Variants in KCNIP4 observed in about 807,000 individuals in gnomAD.
KCNIP4 encodes potassium voltage-gated channel interacting protein 4, also known as Kv channel-interacting protein 4.
KCNIP4 carries 12 observed loss-of-function variants against 34.0 expected under a neutral mutation model. The observed-to-expected ratio is 0.35, with a 90% CI of 0.23 to 0.57. The LOEUF is 0.57. KCNIP4 is among the 20% of genes least tolerant of loss of function. The pLI, the probability that KCNIP4 is intolerant of heterozygous loss-of-function variation, is 0.83. For missense variants in KCNIP4, 238 were observed against 311.7 expected (o/e 0.76, Z 1.78); for synonymous variants, 124 against 102.2 (o/e 1.21, Z -1.29).
chr4:21,233,323 C>T (rs1203325151), intron 1 of KCNIP4, among the ~76,000 whole-genome samples: 1 of 152,126 alleles, frequency 6.6e-6, no homozygotes, highest in Non-Finnish European at 1.5e-5. Flanking sequence ...GCCCAACCCA[C>T]ATCACCTGAA....
At chr4:21,737,964 C>T (rs868355478) in intron 1 of KCNIP4, among the ~76,000 whole-genome samples, 4 of 151,802 alleles carry the variant, frequency 2.6e-5, no homozygotes, top group African/African-American at 7.2e-5. Flanking sequence ...CATGGTGGCA[C>T]GCCTGTAGTC....
Position 21,051,540 on chromosome 4 carries a change from G to A in KCNIP4, c.62-168831C>T, listed in dbSNP as rs1742931968. 2.0e-5 allele frequency among the ~76,000 whole-genome samples: 3 copies of A among 152,096 alleles called. No homozygotes were observed. In the South Asian group the frequency reaches 6.2e-4, roughly 32 times the overall value. On this transcript the variant is annotated intron_variant, in intron 1 of 8. Coordinates refer to ENST00000382152, the MANE Select transcript of KCNIP4 (RefSeq NM_025221.6). ...CATTGGTTTGAATCATAATGTGTGG[G>A]GGTATAGAGGTTATTTAAATATTGT...
chr4:21,313,536 A>G (rs1713410896), intron 1 of KCNIP4, among the ~76,000 whole-genome samples: 1 of 152,210 alleles, frequency 6.6e-6, no homozygotes, highest in Admixed American at 6.5e-5. Flanking sequence ...ACCTATGATA[A>G]CCAAGTTAAA....
intron 1 of KCNIP4, among the ~76,000 whole-genome samples, chr4:21,727,551 G>A (rs1013778530): frequency 5.9e-5 from 9 of 152,092 alleles, no homozygotes; most frequent in African/African-American, 1.7e-4. Flanking sequence ...ATTTGTGGCC[G>A]GGTGTGGTGG....
At chr4:20,957,046 A>G (rs976209402) in intron 1 of KCNIP4, among the ~76,000 whole-genome samples, 4 of 152,228 alleles carry the variant, frequency 2.6e-5, no homozygotes, top group African/African-American at 9.6e-5. Context: ...GGAAAAAGAA[A>G]GAATAGAAAA....
rs78548488 is a variant in KCNIP4 at position 21,861,615 on chromosome 4, C to T, written c.61+86956G>A. ...GAGGTTACAGTGAACCGAGATCATGCCACTGCACTCCAGCCTGGGCGACAG... is the reference window on the plus strand; with the variant it reads ...GAGGTTACAGTGAACCGAGATCATGTCACTGCACTCCAGCCTGGGCGACAG... On this transcript the variant is annotated intron_variant, in intron 1 of 8. Coordinates refer to ENST00000382152, the MANE Select transcript of KCNIP4 (RefSeq NM_025221.6). Among the ~76,000 whole-genome samples the T allele has an allele frequency of 2.2e-3, 317 of 145,702 alleles. 2 individuals are homozygous for T. The highest frequency in any genetic ancestry group is 3.6e-3 in the Non-Finnish European group (239 of 66,974).
At chr4:21,460,111 T>G in intron 1 of KCNIP4, among the ~76,000 whole-genome samples, 1 of 117,998 alleles carries the variant, frequency 8.5e-6, no homozygotes, top group Non-Finnish European at 1.9e-5. Context: ...CCGCCCCCCA[T>G]CTCTTGTGTT....
chr4:21,139,600 C>T (rs1751781121), intron 1 of KCNIP4, among the ~76,000 whole-genome samples: 1 of 152,178 alleles, frequency 6.6e-6, no homozygotes, highest in African/African-American at 2.4e-5. Context: ...TCCAAAGAGA[C>T]ATGACTTTCC....
intron 1 of KCNIP4, among the ~76,000 whole-genome samples, chr4:21,240,046 A>T (rs78872088): frequency 5.3e-5 from 8 of 152,028 alleles, no homozygotes; most frequent in Non-Finnish European, 1.2e-4. Flanking sequence ...ATGCAGCCAT[A>T]AAAAATGATG....
At chr4:21,136,787 C>T (rs145161519) in intron 1 of KCNIP4, among the ~76,000 whole-genome samples, 2,883 of 152,210 alleles carry the variant, frequency 0.019, 43 homozygotes, top group Non-Finnish European at 0.028. Context: ...AGTTTTGATA[C>T]GACTTAGATA....
At position 21,104,870 on chromosome 4, in the gene KCNIP4, G is replaced by T. The variant is rs531359128; in HGVS notation, c.62-222161C>A. 1.5e-3 allele frequency among the ~76,000 whole-genome samples: 229 copies of T among 151,702 alleles called. 9 individuals carry two copies. Among genetic ancestry groups the T allele is most frequent in the African/African-American group, 5.4e-3 (223 of 41,040 alleles). On this transcript the variant is annotated intron_variant, in intron 1 of 8. Transcript: ENST00000382152. ...ATAGGGAATCCTTTCCCCATTGCTT[G>T]TTTTTGTCAGGTTTGTCAAAGATCA... is the stretch of plus-strand genomic sequence containing the variant.
At chr4:21,380,417 G>A (rs1721372017) in intron 1 of KCNIP4, among the ~76,000 whole-genome samples, 1 of 150,414 alleles carries the variant, frequency 6.6e-6, no homozygotes, top group South Asian at 2.1e-4. Flanking sequence ...CAGGGTGGGG[G>A]TCTGGGGGAT....
chr4:21,904,668 C>T (rs1727890868), intron 1 of KCNIP4, among the ~76,000 whole-genome samples: 1 of 152,182 alleles, frequency 6.6e-6, no homozygotes, highest in Non-Finnish European at 1.5e-5. Flanking sequence ...AGTAACACAG[C>T]CTATTTCGCT....
intron 1 of KCNIP4, among the ~76,000 whole-genome samples, chr4:21,397,098 C>CA (rs1339585031): frequency 2.0e-5 from 3 of 151,422 alleles, no homozygotes; most frequent in African/African-American, 2.4e-5. Context: ...ATAGCTGAGG[C>CA]AAAAAAATAA....
intron 1 of KCNIP4, among the ~76,000 whole-genome samples, chr4:21,341,193 C>T (rs997012971): frequency 2.6e-5 from 4 of 152,082 alleles, no homozygotes; most frequent in Admixed American, 6.6e-5. Flanking sequence ...TTCCCTAGAG[C>T]TTTCAGAGGG....
At position 21,213,388 on chromosome 4, in the gene KCNIP4, G is replaced by C. The variant is rs183939946; in HGVS notation, c.62-330679C>G. Among the ~76,000 whole-genome samples the C allele has an allele frequency of 2.0e-4, 30 of 152,096 alleles. No individual in the cohort carries two copies. The East Asian group carries it at 5.8e-3, about 29-fold the overall frequency. On this transcript the variant is annotated intron_variant, in intron 1 of 8. Transcript: ENST00000382152. ...GTGATCTTGGCTCACTGCAACCTCT[G>C]CCTGCCAGGTTCAAGCAATTCTCCT...
At chr4:20,894,024 G>A (rs997824023) in intron 1 of KCNIP4, among the ~76,000 whole-genome samples, 1 of 152,042 alleles carries the variant, frequency 6.6e-6, no homozygotes. Context: ...GGGATTACAG[G>A]TGCCTGCCAC....
chr4:20,949,647 G>T (rs1459361121), intron 1 of KCNIP4, among the ~76,000 whole-genome samples: 2 of 151,954 alleles, frequency 1.3e-5, no homozygotes, highest in East Asian at 3.9e-4. Flanking sequence ...AGAAAATGTG[G>T]CACATATACA....
chr4:20,784,903 G>A (rs1400951620), intron 3 of KCNIP4, among the ~76,000 whole-genome samples: 2 of 152,134 alleles, frequency 1.3e-5, no homozygotes, highest in Admixed American at 1.3e-4. Context: ...ATTTGCAGGG[G>A]AGAAAATGGC....
Sources: gnomAD v4.1 joint callset for allele counts (sites outside exome capture counted in the v4.1 genomes callset) on GRCh38, gnomAD v4.1.1 for gene constraint, MANE v1.5 for transcripts, NCBI Gene and HGNC (gene_info 2026-07-23, HGNC 2026-07-21) for gene names.